The following N4BP3 variants were observed in gnomAD, a reference collection of about 807,000 sequenced individuals.
N4BP3 encodes NEDD4 binding protein 3, also known as NEDD4-binding protein 3.
A neutral mutation model predicts 43.8 loss-of-function variants in N4BP3; 33 were observed. The observed-to-expected ratio is 0.75, with a 90% CI of 0.57 to 1.01. The LOEUF (loss-of-function observed/expected upper bound fraction) is 1.01. N4BP3 is among the 50% of genes least tolerant of loss of function. The probability of loss-of-function intolerance (pLI) is 0.00; values close to 1 mark genes in which losing one functional copy is unlikely to be tolerated. For missense variants in N4BP3, 756 were observed against 744.2 expected (o/e 1.02, Z -0.18); for synonymous variants, 326 against 321.9 (o/e 1.01, Z -0.14).
At chr5:178,117,620 A>AG (rs1300080406) in intron 1 of N4BP3, among the ~76,000 whole-genome samples, 4 of 105,070 alleles carry the variant, frequency 3.8e-5, no homozygotes, top group African/African-American at 1.4e-4. Context: ...CCTGTCTCAA[A>AG]AAAAAAAAAA....
chr5:178,120,235 T>G lies in N4BP3; in HGVS notation c.388T>G (p.Ser130Ala). The G allele has an allele frequency of 6.2e-7, 1 of 1,602,744 alleles. No individual in the cohort carries two copies. The highest frequency in any genetic ancestry group is 8.5e-7 in the Non-Finnish European group (1 of 1,173,134). ...GGCGGGCAACGGGAAAGGCTTCCTA[T>G]CCATGCAAAGTCTGGCGTCCCACAA... is the stretch of plus-strand genomic sequence containing the variant. Reference protein sequence around the residue: ...PTAGNGKGFLSMQSLASHKGQ... With the variant: ...PTAGNGKGFLAMQSLASHKGQ... The change falls in exon 3 of 5, where the codon TCC becomes GCC. Residue 130 changes from serine to alanine, a missense_variant. Coordinates refer to ENST00000274605, the MANE Select transcript of N4BP3 (RefSeq NM_015111.2).
rs1019326086 is a variant in N4BP3 at position 178,125,502 on chromosome 5, G to T, written c.*3501G>T. 2 of 152,294 alleles carry T rather than the reference G, an allele frequency of 1.3e-5. No homozygotes were observed. Among genetic ancestry groups the T allele is most frequent in the African/African-American group, 4.8e-5 (2 of 41,466 alleles). The allele number at this position is 152,294 out of a possible 1,614,324, so 9.4% of individuals were successfully genotyped here. A position where few individuals can be genotyped will look rare whatever the true frequency, so the allele number is the denominator to read the frequency against. On this transcript the variant is annotated 3_prime_UTR_variant, in exon 5 of 5. Transcript: ENST00000274605. ...AAGTGTTGAGGTTTCTGCAAAGAGG[G>T]CGCAGGCCCTGCAGTGACGGTTCAG... is the stretch of plus-strand genomic sequence containing the variant.
intron 2 of N4BP3, 24 bp from the exon 3 acceptor site, chr5:178,120,154 C>G: frequency 6.5e-7 from 1 of 1,540,666 alleles, no homozygotes; most frequent in Non-Finnish European, 8.8e-7. Flanking sequence ...CACACCTGCC[C>G]TCTCTGCCCT....
chr5:178,121,698 T>A lies in N4BP3; in HGVS notation c.1332T>A (p.Thr444=). 6.2e-7 allele frequency: 1 copy of A among 1,610,364 alleles called. No homozygotes were observed. Among genetic ancestry groups the A allele is most frequent in the Non-Finnish European group, 8.5e-7 (1 of 1,179,828 alleles). ...AGGAAGCCCCAGGCAGCTGTGAGAC[T>A]GATGACTGCAAGAGCAGGGGCCTGC... ...PREEAPGSCE[T]DDCKSRGLLG... Residue 444 remains threonine (T), a synonymous_variant, in exon 5 of 5, where the codon ACT becomes ACA. Transcript: ENST00000274605.
chr5:178,120,851 G>T, intron 3 of N4BP3, 152 bp downstream of exon 3: 1 of 1,216,788 alleles, frequency 8.2e-7, no homozygotes, highest in South Asian at 1.6e-5. Context: ...CTGCATCCCA[G>T]GTGGTGGGGA....
chr5:178,121,633 C>T lies in N4BP3; in HGVS notation c.1267C>T (p.Arg423Cys), dbSNP rs1354331320. Residue 423 changes from arginine (R) to cysteine (C), a missense_variant, in exon 5 of 5, where the codon CGC becomes TGC. Transcript: ENST00000274605. ...TCAGGACGCAGAGCTGGTCCGGCTG[C>T]GCGAGGCTGTGCGCAGCCTGCAGGA... Reference protein sequence around the residue: ...QAQDAELVRLREAVRSLQEQA... With the variant: ...QAQDAELVRLCEAVRSLQEQA... 3.1e-6 allele frequency: 5 copies of T among 1,612,748 alleles called. No individual in the cohort carries two copies. Among genetic ancestry groups the T allele is most frequent in the Admixed American group, 1.7e-5 (1 of 60,010 alleles).
intron 3 of N4BP3, 104 bp from the exon 4 acceptor site, chr5:178,120,994 G>GGTGTA (rs1757906011): frequency 7.0e-7 from 1 of 1,434,708 alleles, no homozygotes. Context: ...TGGGTCCTGT[G>GGTGTA]GTGTAGGGGC....
Position 178,120,592 on chromosome 5 carries a change from G to A in N4BP3, c.745G>A (p.Glu249Lys). ...CCTGCCCGAGCCACCACCCCCCTAC[G>A]AGTTCTCCTGCTCCTCTGCCGAGGA... The part of the protein sequence containing the change: ...SCLPEPPPPY[E>K]FSCSSAEEMG... Residue 249 changes from glutamate (E) to lysine (K), a missense_variant, in exon 3 of 5, where the codon GAG (glutamate) becomes AAG (lysine). Coordinates refer to ENST00000274605, the MANE Select transcript of N4BP3 (RefSeq NM_015111.2). 1.2e-6 allele frequency: 2 copies of A among 1,612,568 alleles called. No individual in the cohort carries two copies. Among genetic ancestry groups the A allele is most frequent in the Non-Finnish European group, 1.7e-6 (2 of 1,180,006 alleles).
chr5:178,119,152 C>A (rs1270698703), intron 1 of N4BP3, among the ~76,000 whole-genome samples: 1 of 152,228 alleles, frequency 6.6e-6, no homozygotes, highest in African/African-American at 2.4e-5. Flanking sequence ...GCGTGAGCCA[C>A]CGCGCCCGGC....
chr5:178,117,540 G>C (rs1312876003), intron 1 of N4BP3, among the ~76,000 whole-genome samples: 1 of 149,962 alleles, frequency 6.7e-6, no homozygotes, highest in Admixed American at 6.7e-5. Flanking sequence ...GATCCTAGGA[G>C]TTCGAGGCTG....
At position 178,119,626 on chromosome 5, in the gene N4BP3, G is replaced by A. The variant is rs764936930; in HGVS notation, c.43G>A (p.Val15Met). ...PGPAGIAMGS[V>M]GSLLERQDFS... The stretch of plus-strand genomic sequence containing the variant: ...CCCTGCTGGCATTGCCATGGGCAGC[G>A]TGGGCAGCCTGTTGGAACGGCAGGA... Residue 15 changes from valine to methionine, a missense_variant, in exon 2 of 5, where the codon GTG becomes ATG. Coordinates refer to ENST00000274605, the MANE Select transcript of N4BP3 (RefSeq NM_015111.2). 2.9e-5 allele frequency: 46 copies of A among 1,574,958 alleles called. No homozygotes were observed. In the Admixed American group the frequency reaches 5.5e-4, roughly 19 times the overall value.
Position 178,118,571 on chromosome 5 carries a change from C to T in N4BP3, c.-30-983C>T, listed in dbSNP as rs1361238218. Among the ~76,000 whole-genome samples the T allele has an allele frequency of 2.0e-5, 3 of 152,188 alleles. No homozygotes were observed. The highest frequency in any genetic ancestry group is 7.2e-5 in the African/African-American group (3 of 41,440). On this transcript the variant is annotated intron_variant, in intron 1 of 4. Transcript: ENST00000274605. This position sits in a 1 kb window ranked among gnomAD's most constrained non-coding sequence, Gnocchi z 5.4. Reference sequence around the variant, plus strand: ...CTTCCCTCCTCCACCCACCACTGCCCAGACGGGAACACCTGTCCCGGAAAC... The same window carrying T: ...CTTCCCTCCTCCACCCACCACTGCCTAGACGGGAACACCTGTCCCGGAAAC...
chr5:178,113,593 A>G lies in N4BP3; in HGVS notation c.-209A>G, dbSNP rs1675146342. The G allele has an allele frequency of 6.6e-6, 1 of 151,640 alleles. No homozygotes were observed. The highest frequency in any genetic ancestry group is 2.4e-5 in the African/African-American group (1 of 41,352). 9.4% of individuals were successfully genotyped at this position (151,640 alleles called of 1,614,324 possible). On this transcript the variant is annotated 5_prime_UTR_variant, in exon 1 of 5. Transcript: ENST00000274605. The stretch of plus-strand genomic sequence containing the variant: ...CGCGGAGCGCGTCCCTCCCTCGCCA[A>G]TCCGGCTCCGGCGCCGGCGCCCGCC...
intron 1 of N4BP3, among the ~76,000 whole-genome samples, chr5:178,114,388 G>C (rs2113275892): frequency 6.6e-6 from 1 of 152,348 alleles, no homozygotes. Flanking sequence ...CCAGGCTGCA[G>C]CTGCGGGTCT....
At position 178,120,377 on chromosome 5, in the gene N4BP3, T is replaced by G. The variant is rs1757887329; in HGVS notation, c.530T>G (p.Leu177Arg). ...ARAQLLHALS[L>R]DEGGPEPEPS... ...GCACAGCTGCTGCACGCCCTCAGCC[T>G]AGATGAGGGCGGCCCTGAGCCCGAG... The change falls in exon 3 of 5, where the codon CTA becomes CGA. Residue 177 changes from leucine to arginine, a missense_variant. By Grantham distance (102) the Leu-to-Arg change is moderately radical. Transcript: ENST00000274605. 6.2e-7 allele frequency: 1 copy of G among 1,612,492 alleles called. No homozygotes were observed. The highest frequency in any genetic ancestry group is 2.2e-5 in the East Asian group (1 of 44,844).
Position 178,119,668 on chromosome 5 carries a change from C to G in N4BP3, c.85C>G (p.Leu29Val). 6.2e-7 allele frequency: 1 copy of G among 1,607,984 alleles called. No individual in the cohort carries two copies. Among genetic ancestry groups the G allele is most frequent in the Admixed American group, 1.7e-5 (1 of 59,460 alleles). ...LERQDFSPEE[L>V]RAALAGSRGS... ...ACGGCAGGACTTCTCCCCTGAAGAGCTGCGGGCGGCACTTGCCGGGTCTCG... is the reference window on the plus strand; with the variant it reads ...ACGGCAGGACTTCTCCCCTGAAGAGGTGCGGGCGGCACTTGCCGGGTCTCG... Residue 29 changes from leucine (L) to valine (V), a missense_variant, in exon 2 of 5, where the codon CTG (leucine) becomes GTG (valine). Leu to Val is a conservative substitution (Grantham distance 32). Coordinates refer to ENST00000274605, the MANE Select transcript of N4BP3 (RefSeq NM_015111.2).
In N4BP3 at chr5:178,120,181, C is replaced by T. The variant is rs145817809; in HGVS notation, c.334C>T (p.Arg112Cys). 2.3e-5 allele frequency: 36 copies of T among 1,561,742 alleles called. No homozygotes were observed. Among genetic ancestry groups the T allele is most frequent in the African/African-American group, 9.5e-5 (7 of 73,352 alleles). Residue 112 changes from arginine to cysteine, a missense_variant, in exon 3 of 5, where the codon CGC becomes TGC. Physicochemically the swap from Arg to Cys is radical, Grantham distance 180. Transcript: ENST00000274605. ...LPERGRFDKC[R>C]IRPSVFKPTA... is the part of the protein sequence containing the mutation. ...CTCTGCCCTCTCTTCCTGGCAGTGC[C>T]GCATTCGCCCCTCAGTGTTCAAGCC...
Position 178,120,657 on chromosome 5 carries a change from G to C in N4BP3, c.810G>C (p.Lys270Asn). The change falls in exon 3 of 5, where the codon AAG becomes AAC. Residue 270 changes from lysine to asparagine, a missense_variant. Physicochemically the swap from Lys to Asn is moderately conservative, Grantham distance 94. Transcript: ENST00000274605. ...AVLPETCEELKRGLGDEDGSN... is the reference protein window; with the variant it reads ...AVLPETCEELNRGLGDEDGSN... ...TGCCCGAGACCTGTGAGGAGCTCAA[G>C]AGGGGCCTTGGCGATGAGGACGGCT... The C allele has an allele frequency of 6.2e-7, 1 of 1,603,902 alleles. No individual in the cohort carries two copies. The highest frequency in any genetic ancestry group is 8.5e-7 in the Non-Finnish European group (1 of 1,179,826).
chr5:178,114,418 A>G (rs1252113040), intron 1 of N4BP3, among the ~76,000 whole-genome samples: 5 of 152,018 alleles, frequency 3.3e-5, no homozygotes, highest in Non-Finnish European at 7.4e-5. Context: ...GGACATTCCT[A>G]GGTCTTGACC....
Sources: allele counts gnomAD v4.1 joint callset (sites outside exome capture counted in the v4.1 genomes callset), GRCh38; gene constraint gnomAD v4.1.1; non-coding constraint Gnocchi (gnomAD v3.1); transcripts MANE v1.5; gene names NCBI Gene and HGNC (gene_info 2026-07-23, HGNC 2026-07-21).